Variants in MPPED2 observed in about 807,000 individuals in gnomAD.
The protein encoded by MPPED2 is metallophosphoesterase domain containing 2.
MPPED2 carries 5 observed loss-of-function variants against 33.0 expected under a neutral mutation model. The ratio of observed to expected loss-of-function variants is 0.15; its 90% CI spans 0.08 to 0.32. The LOEUF is 0.32. MPPED2 is among the 10% of genes least tolerant of loss of function. The pLI, the probability that MPPED2 is intolerant of heterozygous loss-of-function variation, is 1.00. For synonymous variants in MPPED2, 136 were observed against 141.9 expected, an observed-to-expected ratio of 0.96 and a Z score of 0.29; for missense variants, 275 against 372.1, an observed-to-expected ratio of 0.74 and a Z score of 2.15.
intron 4 of MPPED2, among the ~76,000 whole-genome samples, chr11:30,432,168 C>CAAA (rs34934978): frequency 4.2e-5 from 6 of 142,042 alleles, no homozygotes; most frequent in African/African-American, 1.5e-4. Context: ...GATTCTGTCT[C>CAAA]AAAAAAAAAA....
intron 3 of MPPED2, among the ~76,000 whole-genome samples, chr11:30,518,329 A>C (rs141572488): frequency 9.2e-5 from 14 of 152,272 alleles, no homozygotes; most frequent in African/African-American, 3.1e-4. Context: ...TTTATCTCCA[A>C]ACCAGTTTAT....
At chr11:30,452,288 T>G (rs1457879599) in intron 4 of MPPED2, among the ~76,000 whole-genome samples, 1 of 152,186 alleles carries the variant, frequency 6.6e-6, no homozygotes, top group Non-Finnish European at 1.5e-5. Flanking sequence ...TCAGAAGGCC[T>G]TCCCTCTAGC....
intron 2 of MPPED2, among the ~76,000 whole-genome samples, chr11:30,578,702 T>C (rs533909637): frequency 3.3e-5 from 5 of 152,268 alleles, no homozygotes; most frequent in African/African-American, 1.2e-4. Context: ...TGTAGTTCTT[T>C]AATACAAAAA....
chr11:30,544,912 T>C (rs1190306326), intron 2 of MPPED2, among the ~76,000 whole-genome samples: 1 of 152,014 alleles, frequency 6.6e-6, no homozygotes, highest in African/African-American at 2.4e-5. Flanking sequence ...GGGACCTCAC[T>C]TGGAATTAAA....
At chr11:30,431,618 G>GC (rs1369350166) in intron 4 of MPPED2, among the ~76,000 whole-genome samples, 1 of 152,142 alleles carries the variant, frequency 6.6e-6, no homozygotes, top group Non-Finnish European at 1.5e-5. Context: ...GAAACTGCCT[G>GC]TTTCCTACAC....
intron 3 of MPPED2, among the ~76,000 whole-genome samples, chr11:30,531,987 G>A (rs1954551332): frequency 6.6e-6 from 1 of 152,228 alleles, no homozygotes; most frequent in Non-Finnish European, 1.5e-5. Flanking sequence ...GGAGTCTGAT[G>A]GACGTAAGTC....
At chr11:30,499,897 A>G (rs541056468) in intron 3 of MPPED2, among the ~76,000 whole-genome samples, 54 of 152,160 alleles carry the variant, frequency 3.5e-4, no homozygotes, top group Non-Finnish European at 6.3e-4. Context: ...AACATCTAGA[A>G]CTCAGGAAAT....
intron 4 of MPPED2, among the ~76,000 whole-genome samples, chr11:30,442,960 G>A (rs494014): frequency 0.6 from 90,907 of 151,860 alleles, 28,600 homozygotes; most frequent in African/African-American, 0.81. Flanking sequence ...ACCACTGCAC[G>A]CCAGCCTGGT....
chr11:30,542,772 A>T (rs909220810), intron 2 of MPPED2, among the ~76,000 whole-genome samples: 2 of 152,166 alleles, frequency 1.3e-5, no homozygotes, highest in African/African-American at 4.8e-5. Context: ...GTTTAAATTG[A>T]CTCATTTTAC....
chr11:30,557,047 T>G (rs1955995953), intron 2 of MPPED2, among the ~76,000 whole-genome samples: 1 of 151,848 alleles, frequency 6.6e-6, no homozygotes, highest in Non-Finnish European at 1.5e-5. Flanking sequence ...GCATCAAGAC[T>G]GATACATTGG....
chr11:30,581,917 T>C (rs1442393821), intron 1 of MPPED2, among the ~76,000 whole-genome samples: 2 of 152,200 alleles, frequency 1.3e-5, no homozygotes, highest in African/African-American at 4.8e-5. Flanking sequence ...CTCTTTCTTT[T>C]TCCTGACTTC....
At chr11:30,424,680 C>G (rs1948753086) in intron 4 of MPPED2, among the ~76,000 whole-genome samples, 1 of 152,164 alleles carries the variant, frequency 6.6e-6, no homozygotes, top group African/African-American at 2.4e-5. Flanking sequence ...CCTCCCCTCC[C>G]TGCCTCGTTT....
chr11:30,543,593 T>A (rs910974436), intron 2 of MPPED2, among the ~76,000 whole-genome samples: 1 of 152,190 alleles, frequency 6.6e-6, no homozygotes, highest in African/African-American at 2.4e-5. Context: ...ATAAATGCCA[T>A]CCACATCCAT....
intron 2 of MPPED2, among the ~76,000 whole-genome samples, chr11:30,572,622 T>C (rs7942768): frequency 7.8e-4 from 119 of 152,222 alleles, no homozygotes; most frequent in African/African-American, 2.7e-3. Context: ...AAGAAGTGTA[T>C]GTTTAGAATT....
intron 4 of MPPED2, among the ~76,000 whole-genome samples, chr11:30,423,004 T>C (rs995901036): frequency 1.3e-5 from 2 of 152,162 alleles, no homozygotes; most frequent in Non-Finnish European, 2.9e-5. Flanking sequence ...GGAGTTAACA[T>C]AGGCAGAACT....
chr11:30,563,224 G>A (rs1383741493), intron 2 of MPPED2, among the ~76,000 whole-genome samples: 3 of 152,086 alleles, frequency 2.0e-5, no homozygotes, highest in South Asian at 2.1e-4. Context: ...TTGGCACCAG[G>A]GACAGGTGTG....
intron 2 of MPPED2, among the ~76,000 whole-genome samples, chr11:30,578,182 G>C (rs1310742593): frequency 1.3e-5 from 2 of 152,186 alleles, no homozygotes; most frequent in Non-Finnish European, 2.9e-5. Context: ...TTGATGAGCA[G>C]AGCGTAAATG....
At chr11:30,513,048 A>C (rs1045945758) in intron 3 of MPPED2, among the ~76,000 whole-genome samples, 4 of 151,906 alleles carry the variant, frequency 2.6e-5, no homozygotes, top group Admixed American at 2.6e-4. Context: ...TCCAGGCTTT[A>C]TCCTGAAAGA....
chr11:30,584,119 C>T (rs927552140), intron 1 of MPPED2: 3 of 152,024 alleles, frequency 2.0e-5, no homozygotes, highest in Admixed American at 6.6e-5. Context: ...CCTCCCACCG[C>T]ACTTACACCT....
Sources: allele counts gnomAD v4.1 joint callset (sites outside exome capture counted in the v4.1 genomes callset), GRCh38; gene constraint gnomAD v4.1.1; transcripts MANE v1.5; gene names NCBI Gene and HGNC (gene_info 2026-07-23, HGNC 2026-07-21).